Variants in SNX1 observed in about 807,000 individuals in gnomAD.
The protein encoded by SNX1 is sorting nexin-1.
A neutral mutation model predicts 71.8 loss-of-function variants in SNX1; 36 were observed. The ratio of observed to expected loss-of-function variants is 0.50; its 90% CI spans 0.38 to 0.66. The LOEUF (loss-of-function observed/expected upper bound fraction) is 0.66. Ranked by LOEUF, SNX1 falls within the 30% of genes least tolerant of loss-of-function variation. SNX1 has a pLI of 0.00. For synonymous variants in SNX1, 254 were observed against 240.7 expected (o/e 1.06, Z -0.51); for missense variants, 612 against 646.7 (o/e 0.95, Z 0.58).
intron 1 of SNX1, among the ~76,000 whole-genome samples, chr15:64,109,190 G>A (rs1163933405): frequency 6.6e-6 from 1 of 152,042 alleles, no homozygotes; most frequent in Non-Finnish European, 1.5e-5. Context: ...GGCCGACATG[G>A]TGAAACCCCG....
Position 64,118,311 on chromosome 15 carries a change from T to G in SNX1, c.399+67T>G, listed in dbSNP as rs557828130. The G allele has an allele frequency of 2.2e-5, 33 of 1,497,476 alleles. No homozygotes were observed. The Admixed American group carries it at 6.3e-4, about 29-fold the overall frequency. The allele number at this position is 1,497,476 out of a possible 1,614,324, so 92.8% of individuals were successfully genotyped here. On this transcript the variant is annotated intron_variant, in intron 3 of 14. Transcript: ENST00000559844. Reference sequence around the variant, plus strand: ...AGGACTGTGTACGGCCAGTCTGAAGTGTAGTTGAGTATGAACCTTGAGAAA... The same window carrying G: ...AGGACTGTGTACGGCCAGTCTGAAGGGTAGTTGAGTATGAACCTTGAGAAA...
intron 1 of SNX1, among the ~76,000 whole-genome samples, chr15:64,109,435 T>G (rs948317780): frequency 6.6e-6 from 1 of 152,180 alleles, no homozygotes; most frequent in Non-Finnish European, 1.5e-5. Context: ...AGTCACAGAT[T>G]CAAATGACCA....
chr15:64,132,176 A>G (rs1358376518), intron 11 of SNX1, among the ~76,000 whole-genome samples: 1 of 152,200 alleles, frequency 6.6e-6, no homozygotes, highest in Admixed American at 6.5e-5. Flanking sequence ...GAGGCCAGAC[A>G]GTGTCTTCTG....
At chr15:64,106,943 CAGCA>C (rs2081028640) in intron 1 of SNX1, among the ~76,000 whole-genome samples, 1 of 152,234 alleles carries the variant, frequency 6.6e-6, no homozygotes, top group Non-Finnish European at 1.5e-5. Flanking sequence ...TTTGTTGCAG[CAGCA>C]ATAAAAACTA....
In SNX1 at chr15:64,118,167, G is replaced by A. The variant is rs762409802; in HGVS notation, c.322G>A (p.Val108Met). 1 of 1,613,020 alleles carries A rather than the reference G, an allele frequency of 6.2e-7. No homozygotes were observed. Among genetic ancestry groups the A allele is most frequent in the African/African-American group, 1.3e-5 (1 of 74,816 alleles). The change falls in exon 3 of 15, where the codon GTG (valine) becomes ATG (methionine). Residue 108 changes from valine (V) to methionine (M), a missense_variant. Physicochemically the swap from Val to Met is conservative, Grantham distance 21. Coordinates refer to ENST00000559844, the MANE Select transcript of SNX1 (RefSeq NM_003099.5). Reference protein sequence around the residue: ...LDSTQNNQKKVLAKTLISLPP... With the variant: ...LDSTQNNQKKMLAKTLISLPP... ...CAGCACACAAAATAATCAGAAGAAG[G>A]TGCTAGCCAAAACACTCATTTCTCT...
chr15:64,101,958 T>G (rs1026641134), intron 1 of SNX1, among the ~76,000 whole-genome samples: 4 of 152,214 alleles, frequency 2.6e-5, no homozygotes, highest in Non-Finnish European at 5.9e-5. Context: ...TATCCTGATT[T>G]GATCATTGCA....
chr15:64,122,343 G>T (rs2081204429), intron 4 of SNX1, among the ~76,000 whole-genome samples: 1 of 151,886 alleles, frequency 6.6e-6, no homozygotes, highest in South Asian at 2.1e-4. Flanking sequence ...GTTTAGAAGA[G>T]AACTAAAGTT....
At chr15:64,115,459 C>G (rs1802202791) in intron 2 of SNX1, 2 of 313,014 alleles carry the variant, frequency 6.4e-6, no homozygotes, top group Admixed American at 4.6e-5. Context: ...GAATGCTTTT[C>G]CAGTACTCTT....
At chr15:64,135,190 T>C (rs1010784805) in intron 12 of SNX1, among the ~76,000 whole-genome samples, 3 of 151,926 alleles carry the variant, frequency 2.0e-5, no homozygotes, top group Admixed American at 6.5e-5. Flanking sequence ...CGATCTCAGC[T>C]CACTGCAAGC....
intron 1 of SNX1, among the ~76,000 whole-genome samples, chr15:64,104,696 C>G (rs1429539791): frequency 6.6e-6 from 1 of 151,098 alleles, no homozygotes; most frequent in Non-Finnish European, 1.5e-5. Flanking sequence ...ACCAGCCTGG[C>G]CAACATAGTG....
At position 64,097,474 on chromosome 15, in the gene SNX1, G is replaced by A. The variant is rs567149453; in HGVS notation, c.159+1302G>A. On this transcript the variant is annotated intron_variant, in intron 1 of 14. Coordinates refer to ENST00000559844, the MANE Select transcript of SNX1 (RefSeq NM_003099.5). Reference sequence around the variant, plus strand: ...TTTCTCTTTTAGAAAGTTAACGTAAGTTGACCTCAGATTCCCTGCCCCCAA... The same window carrying A: ...TTTCTCTTTTAGAAAGTTAACGTAAATTGACCTCAGATTCCCTGCCCCCAA... Among the ~76,000 whole-genome samples, 89 of 152,008 alleles carry A rather than the reference G, an allele frequency of 5.9e-4. No homozygotes were observed. The Middle Eastern group carries it at 0.027, about 46-fold the overall frequency.
At chr15:64,102,250 A>G (rs544787721) in intron 1 of SNX1, among the ~76,000 whole-genome samples, 2 of 151,990 alleles carry the variant, frequency 1.3e-5, no homozygotes, top group Admixed American at 6.5e-5. Context: ...GTTATTGTAT[A>G]TTGTCTTTTT....
chr15:64,130,361 G>A, intron 10 of SNX1, 40 bp downstream of exon 10: 2 of 1,517,770 alleles, frequency 1.3e-6, no homozygotes, highest in Non-Finnish European at 1.8e-6. Context: ...AGGGGAAATT[G>A]TTGTCTCTAG....
chr15:64,103,433 C>A (rs190272501), intron 1 of SNX1, among the ~76,000 whole-genome samples: 4 of 152,110 alleles, frequency 2.6e-5, no homozygotes, highest in East Asian at 1.9e-4. Flanking sequence ...ATTATATATT[C>A]TTTTACATCT....
At position 64,130,266 on chromosome 15, in the gene SNX1, G is replaced by A. The variant is rs770530320; in HGVS notation, c.960G>A (p.Glu320=). 2.5e-6 allele frequency: 4 copies of A among 1,614,054 alleles called. No individual in the cohort carries two copies. Among genetic ancestry groups the A allele is most frequent in the South Asian group, 1.1e-5 (1 of 91,086 alleles). Residue 320 remains glutamate (E), a synonymous_variant, in exon 10 of 15, where the codon GAG becomes GAA. Transcript: ENST00000559844. ...EEKLQEVECE[E]QRLRKLHAVV... is the part of the protein sequence containing the mutation. The stretch of plus-strand genomic sequence containing the variant: ...AGCTCCAGGAGGTAGAGTGTGAGGA[G>A]CAGCGCTTACGGAAACTGCATGCTG...
In SNX1 at chr15:64,134,576, T is replaced by C. The variant is rs1004893711; in HGVS notation, c.1222-88T>C. Reference sequence around the variant, plus strand: ...CTGCCCTTGCTCAGTCTGTCCCTGGTGCAGCTGCTGGGAGAGCCTGCCTCG... The same window carrying C: ...CTGCCCTTGCTCAGTCTGTCCCTGGCGCAGCTGCTGGGAGAGCCTGCCTCG... On this transcript the variant is annotated intron_variant, in intron 11 of 14. Transcript: ENST00000559844. This position sits in a 1 kb window ranked among gnomAD's most constrained non-coding sequence, Gnocchi z 4.1. 2 of 1,483,682 alleles carry C rather than the reference T, an allele frequency of 1.3e-6. No individual in the cohort carries two copies. Among genetic ancestry groups the C allele is most frequent in the East Asian group, 4.6e-5 (2 of 43,022 alleles). 91.9% of individuals were successfully genotyped at this position (1,483,682 alleles called of 1,614,324 possible).
intron 1 of SNX1, among the ~76,000 whole-genome samples, chr15:64,108,852 G>A (rs1183445301): frequency 2.0e-5 from 3 of 151,824 alleles, no homozygotes; most frequent in South Asian, 2.1e-4. Context: ...GCCAGGCGTG[G>A]TGGTGGGCGC....
At chr15:64,125,556 G>A (rs2081242289) in intron 5 of SNX1, among the ~76,000 whole-genome samples, 1 of 151,426 alleles carries the variant, frequency 6.6e-6, no homozygotes, top group Non-Finnish European at 1.5e-5. Context: ...GAGGTGGGAG[G>A]ATCGCTTAAG....
intron 1 of SNX1, 70 bp downstream of exon 1, chr15:64,096,242 C>G: frequency 6.6e-7 from 1 of 1,509,806 alleles, no homozygotes; most frequent in Non-Finnish European, 8.8e-7. Context: ...AAGCGAGAAT[C>G]GGGGAGGTTG....
Sources: allele counts gnomAD v4.1 joint callset (sites outside exome capture counted in the v4.1 genomes callset), GRCh38; gene constraint gnomAD v4.1.1; non-coding constraint Gnocchi (gnomAD v3.1); transcripts MANE v1.5; gene names NCBI Gene and HGNC (gene_info 2026-07-23, HGNC 2026-07-21).